Variants in LRRC37A2 observed in about 807,000 individuals in gnomAD.
The protein encoded by LRRC37A2 is leucine-rich repeat-containing protein 37A2.
Under a neutral mutation model 68.8 loss-of-function variants are expected in LRRC37A2, and 9 were observed. That is an observed-to-expected ratio of 0.13 (90% CI 0.08 to 0.23). LRRC37A2 has a LOEUF of 0.23. Ranked by LOEUF, LRRC37A2 falls within the 10% of genes least tolerant of loss-of-function variation. The pLI, the probability that LRRC37A2 is intolerant of heterozygous loss-of-function variation, is 1.00. For missense variants in LRRC37A2, 168 were observed against 950.4 expected, an observed-to-expected ratio of 0.18 and a Z score of 10.82; for synonymous variants, 63 against 367.6, an observed-to-expected ratio of 0.17 and a Z score of 9.48.
chr17:47,024,682 T>C, the LRRC37A2 span: 1 of 862,596 alleles, frequency 1.2e-6, no homozygotes, highest in Non-Finnish European at 2.0e-6. Context: ...TTTTCCAGAA[T>C]TCTCAGAGAA....
At chr17:46,501,496 T>C in the LRRC37A2 span, among the ~76,000 whole-genome samples, 1 of 151,304 alleles carries the variant, frequency 6.6e-6, no homozygotes, top group Non-Finnish European at 1.5e-5. Flanking sequence ...TTTATGTGAA[T>C]TTAAAATGTG....
At chr17:46,706,897 T>TTGGAG in the LRRC37A2 span, among the ~76,000 whole-genome samples, 2 of 145,106 alleles carry the variant, frequency 1.4e-5, no homozygotes, top group African/African-American at 5.2e-5. Context: ...GTCGCCCAGG[T>TTGGAG]TGGAGTGCAG....
chr17:46,728,871 C>T, the LRRC37A2 span: 2 of 1,608,360 alleles, frequency 1.2e-6, no homozygotes, highest in Non-Finnish European at 1.7e-6. Context: ...TCCCTATTGG[C>T]CCTCGATTTT....
the LRRC37A2 span, among the ~76,000 whole-genome samples, chr17:46,846,828 G>A: frequency 6.6e-6 from 1 of 152,204 alleles, no homozygotes; most frequent in African/African-American, 2.4e-5. Flanking sequence ...GCCTCGAACT[G>A]GAAGTGCCAT....
At chr17:46,609,827 C>CTT in the LRRC37A2 span, among the ~76,000 whole-genome samples, 3,450 of 123,340 alleles carry the variant, frequency 0.028, 87 homozygotes, top group East Asian at 0.28. Context: ...CTCACTGTTT[C>CTT]TTTTTTTTTT....
chr17:46,989,553 G>A, the LRRC37A2 span, among the ~76,000 whole-genome samples: 1 of 152,206 alleles, frequency 6.6e-6, no homozygotes, highest in Non-Finnish European at 1.5e-5. Flanking sequence ...ATTAGCTCAG[G>A]GACAGGGATG....
chr17:46,983,052 A>G, the LRRC37A2 span, among the ~76,000 whole-genome samples: 1 of 152,170 alleles, frequency 6.6e-6, no homozygotes, highest in Non-Finnish European at 1.5e-5. Context: ...AAATTAGGGA[A>G]GCTGTCAGTT....
At chr17:46,862,921 C>T in the LRRC37A2 span, among the ~76,000 whole-genome samples, 170 of 152,344 alleles carry the variant, frequency 1.1e-3, no homozygotes, top group African/African-American at 3.7e-3. Context: ...AGGCCAGTTG[C>T]TTGGCTGGTC....
At chr17:46,922,941 G>A in the LRRC37A2 span, 16 of 579,484 alleles carry the variant, frequency 2.8e-5, no homozygotes, top group Admixed American at 4.5e-4. Flanking sequence ...CTAGCCTTCA[G>A]CGAACATGTA....
At chr17:46,691,906 C>G in the LRRC37A2 span, among the ~76,000 whole-genome samples, 2 of 151,076 alleles carry the variant, frequency 1.3e-5, no homozygotes, top group Non-Finnish European at 2.9e-5. Context: ...GCACCTGCCA[C>G]CACACCCAGC....
chr17:46,936,870 C>T, the LRRC37A2 span: 196 of 976,560 alleles, frequency 2.0e-4, no homozygotes, highest in Admixed American at 2.2e-3. Context: ...TAATTGCTTT[C>T]TGGGCAGAAT....
At chr17:46,908,379 G>C in the LRRC37A2 span, among the ~76,000 whole-genome samples, 2 of 152,308 alleles carry the variant, frequency 1.3e-5, no homozygotes, top group East Asian at 3.9e-4. Flanking sequence ...GCTGCAAAAT[G>C]ATCGCCATTA....
chr17:46,912,633 G>A, the LRRC37A2 span, among the ~76,000 whole-genome samples: 1 of 152,314 alleles, frequency 6.6e-6, no homozygotes, highest in Non-Finnish European at 1.5e-5. Flanking sequence ...TCCTGGAGGG[G>A]GCCACAGATG....
the LRRC37A2 span, chr17:46,851,719 A>G: frequency 7.8e-7 from 1 of 1,283,462 alleles, no homozygotes. The surrounding 1 kb of genome is among the most constrained non-coding windows in gnomAD (Gnocchi z 4.3). Context: ...ACTTCGGGTC[A>G]GTGCCCGCCG....
the LRRC37A2 span, among the ~76,000 whole-genome samples, chr17:46,812,750 A>C: frequency 6.6e-6 from 1 of 152,234 alleles, no homozygotes. Context: ...CAGGTGGGGC[A>C]AATCTGGGAG....
chr17:46,768,473 G>A, the LRRC37A2 span: 57 of 1,614,060 alleles, frequency 3.5e-5, no homozygotes, highest in African/African-American at 5.3e-4. This position sits in a 1 kb window ranked among gnomAD's most constrained non-coding sequence, Gnocchi z 5.0. Context: ...CATCGATGCC[G>A]TGGGAGGTGA....
At chr17:46,814,925 T>C in the LRRC37A2 span, among the ~76,000 whole-genome samples, 1 of 152,164 alleles carries the variant, frequency 6.6e-6, no homozygotes, top group Non-Finnish European at 1.5e-5. Flanking sequence ...AACTCAGGTG[T>C]GCTATTTCCC....
At chr17:46,816,125 A>ACGCACG in the LRRC37A2 span, among the ~76,000 whole-genome samples, 2 of 128,690 alleles carry the variant, frequency 1.6e-5, no homozygotes, top group African/African-American at 2.9e-5. Context: ...ACACACACAC[A>ACGCACG]CACACTCACA....
chr17:46,789,851 G>A, the LRRC37A2 span, among the ~76,000 whole-genome samples: 2 of 152,198 alleles, frequency 1.3e-5, no homozygotes, highest in East Asian at 1.9e-4. Flanking sequence ...GGCCTCACGG[G>A]GGATGCTGCG....
Sources: gnomAD v4.1 joint callset for allele counts (sites outside exome capture counted in the v4.1 genomes callset) on GRCh38, gnomAD v4.1.1 for gene constraint, Gnocchi (gnomAD v3.1) non-coding constraint, MANE v1.5 for transcripts, NCBI Gene and HGNC (gene_info 2026-07-23, HGNC 2026-07-21) for gene names.